Variants in USP3 observed in about 807,000 individuals in gnomAD.
The protein encoded by USP3 is ubiquitin specific peptidase 3.
A neutral mutation model predicts 72.3 loss-of-function variants in USP3; 20 were observed. The observed-to-expected ratio is 0.28, with a 90% confidence interval of 0.19 to 0.40. USP3 has a LOEUF of 0.40. Among genes scored for constraint, USP3 ranks in the 10% least tolerant of loss-of-function variants. The pLI is 1.00. For missense variants in USP3, 479 were observed against 633.9 expected, an observed-to-expected ratio of 0.76 and a Z score of 2.62; for synonymous variants, 222 against 225.3, an observed-to-expected ratio of 0.99 and a Z score of 0.13.
chr15:63,527,812 G>A lies in USP3; in HGVS notation c.92-4835G>A, dbSNP rs2066007474. ...TATAGCACGGACTAAACCACTTTTG[G>A]CCTCTAGGTCACTTAGATGCCTTTG... is the stretch of plus-strand genomic sequence containing the variant. On this transcript the variant is annotated intron_variant, in intron 1 of 14. Transcript: ENST00000380324. The A allele has an allele frequency of 1.3e-5, 2 of 152,180 alleles. 1 individual carries two copies. Among genetic ancestry groups the A allele is most frequent in the South Asian group, 4.1e-4 (2 of 4,832 alleles). 9.4% of individuals were successfully genotyped at this position (152,180 alleles called of 1,614,324 possible). A position where few individuals can be genotyped will look rare whatever the true frequency, so the allele number is the denominator to read the frequency against.
At chr15:63,559,452 T>A (rs1177648484) in intron 6 of USP3, among the ~76,000 whole-genome samples, 1 of 152,250 alleles carries the variant, frequency 6.6e-6, no homozygotes, top group Admixed American at 6.5e-5. Flanking sequence ...TACTACTGAA[T>A]TCTCCTTAGG....
chr15:63,507,628 C>T (rs141407855), intron 1 of USP3, among the ~76,000 whole-genome samples: 55 of 152,226 alleles, frequency 3.6e-4, no homozygotes, highest in African/African-American at 1.3e-3. Context: ...AGATACAGAA[C>T]TCAACAAGAT....
chr15:63,569,101 T>G (rs1048054542), intron 8 of USP3, among the ~76,000 whole-genome samples: 1 of 152,192 alleles, frequency 6.6e-6, no homozygotes, highest in African/African-American at 2.4e-5. Context: ...TAGGTTATTT[T>G]GGGGAGAGAA....
chr15:63,560,887 C>A (rs2066598029), intron 7 of USP3, among the ~76,000 whole-genome samples: 1 of 152,168 alleles, frequency 6.6e-6, no homozygotes, highest in Non-Finnish European at 1.5e-5. Context: ...TCTCTGTCTG[C>A]CTCCTCCACT....
At position 63,594,462 on chromosome 15, in the gene USP3, T is replaced by C. The variant is rs1022607184; in HGVS notation, c.*3636T>C. The C allele has an allele frequency of 3.3e-5, 5 of 152,220 alleles. No individual in the cohort carries two copies. Among genetic ancestry groups the C allele is most frequent in the Admixed American group, 3.3e-4 (5 of 15,278 alleles). 9.4% of individuals were successfully genotyped at this position (152,220 alleles called of 1,614,324 possible). The stretch of plus-strand genomic sequence containing the variant: ...GTGATGGACTCTAGACTGCCTTCCA[T>C]GAGTGTTGGTCATGCTATGATGTCA... On this transcript the variant is annotated 3_prime_UTR_variant, in exon 15 of 15. Transcript: ENST00000380324.
chr15:63,531,522 A>C (rs144574906), intron 1 of USP3, among the ~76,000 whole-genome samples: 1 of 152,194 alleles, frequency 6.6e-6, no homozygotes, highest in Non-Finnish European at 1.5e-5. Context: ...GCTATTAAAC[A>C]GTGTTTCAGT....
Position 63,512,006 on chromosome 15 carries a change from G to C in USP3, c.91+7176G>C, listed in dbSNP as rs149086098. Among the ~76,000 whole-genome samples, 208 of 146,564 alleles carry C rather than the reference G, an allele frequency of 1.4e-3. 1 individual carries two copies. The East Asian group carries it at 0.021, about 15-fold the overall frequency. ...GAGTCTCACCCTGTTCCCCAGGCTGGAGTGTGATGGCACGATCTTGTCTCA... is the reference window on the plus strand; with the variant it reads ...GAGTCTCACCCTGTTCCCCAGGCTGCAGTGTGATGGCACGATCTTGTCTCA... On this transcript the variant is annotated intron_variant, in intron 1 of 14. Coordinates refer to ENST00000380324, the MANE Select transcript of USP3 (RefSeq NM_006537.4).
At chr15:63,512,320 C>T (rs1441997359) in intron 1 of USP3, among the ~76,000 whole-genome samples, 2 of 120,006 alleles carry the variant, frequency 1.7e-5, no homozygotes, top group Admixed American at 8.4e-5. Flanking sequence ...CTTCTTCTTC[C>T]TCTTCTTCCT....
chr15:63,559,899 C>G lies in USP3; in HGVS notation c.576C>G (p.Ala192=). ...GCTGTTATTTCAAAGAACTGCCCGC[C>G]GTGGAGTTAAGGAATGGGAAAACAG... is the stretch of plus-strand genomic sequence containing the variant. ...QFCCYFKELP[A]VELRNGKTAG... Residue 192 remains alanine (A), a synonymous_variant, in exon 7 of 15, where the codon GCC becomes GCG. Transcript: ENST00000380324. 6.2e-7 allele frequency: 1 copy of G among 1,613,900 alleles called. No individual in the cohort carries two copies. Among genetic ancestry groups the G allele is most frequent in the Non-Finnish European group, 8.5e-7 (1 of 1,179,932 alleles).
intron 11 of USP3, among the ~76,000 whole-genome samples, chr15:63,584,318 C>G (rs774321985): frequency 6.6e-6 from 1 of 151,804 alleles, no homozygotes; most frequent in East Asian, 1.9e-4. Flanking sequence ...ATGATGGTCT[C>G]GATCCTCCTG....
In USP3 at chr15:63,589,163, C is replaced by T. The variant is rs543213943; in HGVS notation, c.1397+152C>T. Reference sequence around the variant, plus strand: ...TTCAGTTTTGGTGCGGAAGAGTACTCCTCAGATGATGTTGTGAAGGCTTAA... The same window carrying T: ...TTCAGTTTTGGTGCGGAAGAGTACTTCTCAGATGATGTTGTGAAGGCTTAA... On this transcript the variant is annotated intron_variant, in intron 14 of 14. Transcript: ENST00000380324. 6 of 773,742 alleles carry T rather than the reference C, an allele frequency of 7.8e-6. No individual in the cohort carries two copies. In the South Asian group the frequency reaches 1.0e-4, roughly 13 times the overall value. 47.9% of individuals were successfully genotyped at this position (773,742 alleles called of 1,614,324 possible).
At chr15:63,519,858 C>T (rs1177341290) in intron 1 of USP3, among the ~76,000 whole-genome samples, 1 of 151,426 alleles carries the variant, frequency 6.6e-6, no homozygotes, top group East Asian at 1.9e-4. Context: ...TTAATAAGCA[C>T]TCGGTTTTTT....
At chr15:63,515,053 G>C (rs887730837) in intron 1 of USP3, among the ~76,000 whole-genome samples, 3 of 152,140 alleles carry the variant, frequency 2.0e-5, no homozygotes, top group African/African-American at 7.2e-5. Context: ...AGCTATTTGT[G>C]TCTGGTCTTC....
intron 11 of USP3, among the ~76,000 whole-genome samples, chr15:63,581,340 GGTTTTT>G (rs2066954305): frequency 1.6e-5 from 2 of 124,242 alleles, no homozygotes; most frequent in East Asian, 5.2e-4. Context: ...TGTTTGTGTT[GGTTTTT>G]GTGTGTGTGT....
Position 63,553,015 on chromosome 15 carries a change from G to A in USP3, c.285-700G>A, listed in dbSNP as rs2066458273. On this transcript the variant is annotated intron_variant, in intron 3 of 14. Transcript: ENST00000380324. The surrounding 1 kb of genome is among the most constrained non-coding windows in gnomAD (Gnocchi z 4.2). ...GAACAAGTTAAAGTTTATATTATGTGTGATTTCTTACATTATTTGCTTTTT... is the reference window on the plus strand; with the variant it reads ...GAACAAGTTAAAGTTTATATTATGTATGATTTCTTACATTATTTGCTTTTT... Among the ~76,000 whole-genome samples, 1 of 152,182 alleles carries A rather than the reference G, an allele frequency of 6.6e-6. No homozygotes were observed.
At chr15:63,569,316 A>G (rs1169041999) in intron 8 of USP3, among the ~76,000 whole-genome samples, 2 of 152,336 alleles carry the variant, frequency 1.3e-5, no homozygotes, top group South Asian at 2.1e-4. Context: ...ACATATATTG[A>G]TATTTAGTTG....
At chr15:63,577,295 T>C (rs2066879410) in intron 11 of USP3, among the ~76,000 whole-genome samples, 1 of 152,200 alleles carries the variant, frequency 6.6e-6, no homozygotes, top group Non-Finnish European at 1.5e-5. Context: ...GATTTAATAC[T>C]AGAAATATAA....
intron 11 of USP3, among the ~76,000 whole-genome samples, chr15:63,579,522 C>T (rs1369531448): frequency 2.0e-5 from 3 of 152,168 alleles, no homozygotes; most frequent in Non-Finnish European, 4.4e-5. Context: ...TTTGGGAAAA[C>T]ATTAATTTCC....
At chr15:63,567,681 A>G (rs571303638) in intron 8 of USP3, among the ~76,000 whole-genome samples, 9 of 150,582 alleles carry the variant, frequency 6.0e-5, no homozygotes, top group African/African-American at 2.0e-4. Context: ...GGGTTTTGCC[A>G]TGTTGGCCAG....
Sources: allele counts gnomAD v4.1 joint callset (sites outside exome capture counted in the v4.1 genomes callset), GRCh38; gene constraint gnomAD v4.1.1; non-coding constraint Gnocchi (gnomAD v3.1); transcripts MANE v1.5; gene names NCBI Gene and HGNC (gene_info 2026-07-23, HGNC 2026-07-21).